The following TAS2R1 variants were observed in gnomAD, a reference collection of about 807,000 sequenced individuals.
TAS2R1 encodes the protein taste receptor type 2 member 1.
For synonymous variants in TAS2R1, 141 were observed against 134.2 expected, an observed-to-expected ratio of 1.05 and a Z score of -0.35; for missense variants, 370 against 353.4, an observed-to-expected ratio of 1.05 and a Z score of -0.38.
the TAS2R1 span, among the ~76,000 whole-genome samples, chr5:9,762,642 G>C: frequency 0.055 from 8,381 of 152,262 alleles, 627 homozygotes; most frequent in East Asian, 0.27. Context: ...TTTCCCTTGA[G>C]TCCTGGTGTT....
At chr5:9,844,475 T>C in the TAS2R1 span, among the ~76,000 whole-genome samples, 3 of 152,238 alleles carry the variant, frequency 2.0e-5, no homozygotes, top group Non-Finnish European at 2.9e-5. Context: ...TCTTTAAGTT[T>C]CAATTTAAGC....
chr5:9,728,016 C>G, the TAS2R1 span, among the ~76,000 whole-genome samples: 3 of 152,112 alleles, frequency 2.0e-5, no homozygotes, highest in African/African-American at 7.2e-5. Context: ...GCCTGGAAAG[C>G]AAAGAACAGA....
At chr5:9,691,186 G>C (rs1445676075) in intron 1 of TAS2R1, among the ~76,000 whole-genome samples, 1 of 152,198 alleles carries the variant, frequency 6.6e-6, no homozygotes, top group African/African-American at 2.4e-5. Context: ...GTCCTCATAA[G>C]AGACATTCAG....
upstream of TAS2R1, among the ~76,000 whole-genome samples, chr5:9,713,393 C>T (rs985913983): frequency 3.9e-5 from 6 of 152,232 alleles, no homozygotes; most frequent in African/African-American, 1.4e-4. Context: ...GGGCTTCTGG[C>T]AAAGCTTTTT....
chr5:9,635,819 T>C (rs1739953156), intron 2 of TAS2R1, among the ~76,000 whole-genome samples: 1 of 152,112 alleles, frequency 6.6e-6, no homozygotes, highest in African/African-American at 2.4e-5. Context: ...CTATTGGATC[T>C]TCTCTCATTT....
chr5:9,690,255 A>T (rs1741212582), intron 1 of TAS2R1, among the ~76,000 whole-genome samples: 1 of 152,212 alleles, frequency 6.6e-6, no homozygotes, highest in Non-Finnish European at 1.5e-5. Flanking sequence ...AGACTTATCA[A>T]ATGACTTTCC....
At chr5:9,695,494 A>G (rs936118700) in intron 1 of TAS2R1, among the ~76,000 whole-genome samples, 3 of 152,026 alleles carry the variant, frequency 2.0e-5, no homozygotes, top group African/African-American at 7.3e-5. Flanking sequence ...ATCCACTAGA[A>G]AGGGTGAGGC....
At chr5:9,779,601 A>C in the TAS2R1 span, among the ~76,000 whole-genome samples, 8 of 152,212 alleles carry the variant, frequency 5.3e-5, no homozygotes, top group Non-Finnish European at 1.2e-4. Context: ...GAGAAATCAG[A>C]ACACACACAT....
At chr5:9,716,231 C>T (rs1453462516), upstream of TAS2R1, among the ~76,000 whole-genome samples, 3 of 152,264 alleles carry the variant, frequency 2.0e-5, no homozygotes, top group South Asian at 4.2e-4. Context: ...CATTTTGCAG[C>T]AGGGAGGAGC....
Position 9,629,277 on chromosome 5 carries a change from A to G in TAS2R1, c.756T>C (p.Phe252=). 1 of 1,614,074 alleles carries G rather than the reference A, an allele frequency of 6.2e-7. No individual in the cohort carries two copies. The highest frequency in any genetic ancestry group is 1.3e-5 in the African/African-American group (1 of 75,038). ...MIKVFLSSLK[F]HIRRFIFLFF... The stretch of plus-strand genomic sequence containing the variant: ...ACAGAAAGATGAACCTTCTGATGTG[A>G]AACTTTAGAGAAGAGAGAAAAACTT... The change falls in exon 1 of 1, where the codon TTT becomes TTC. Residue 252 remains phenylalanine, a synonymous_variant. Coordinates refer to ENST00000382492, the MANE Select transcript of TAS2R1 (RefSeq NM_019599.3).
the TAS2R1 span, among the ~76,000 whole-genome samples, chr5:9,870,886 C>T: frequency 1.3e-5 from 2 of 152,104 alleles, no homozygotes; most frequent in Non-Finnish European, 2.9e-5. Flanking sequence ...GAGAAAATGT[C>T]ATGAAAGCAA....
the TAS2R1 span, among the ~76,000 whole-genome samples, chr5:9,719,733 G>A: frequency 2.0e-5 from 3 of 151,230 alleles, no homozygotes; most frequent in African/African-American, 7.3e-5. Context: ...TCGAGACCAC[G>A]GTGAAACCCC....
chr5:9,667,082 C>G (rs1330279587), intron 1 of TAS2R1, among the ~76,000 whole-genome samples: 2 of 152,036 alleles, frequency 1.3e-5, no homozygotes, highest in Non-Finnish European at 2.9e-5. Flanking sequence ...CTTCTTGAGT[C>G]CGTTTTTTTC....
At chr5:9,644,492 T>G (rs946626224) in intron 2 of TAS2R1, among the ~76,000 whole-genome samples, 1 of 152,124 alleles carries the variant, frequency 6.6e-6, no homozygotes, top group African/African-American at 2.4e-5. Context: ...TGGAGCCATT[T>G]TTCAAGAAGG....
chr5:9,834,753 T>TAAA, the TAS2R1 span, among the ~76,000 whole-genome samples: 1,034 of 145,592 alleles, frequency 7.1e-3, 15 homozygotes, highest in African/African-American at 0.024. Flanking sequence ...ATTACTGCAT[T>TAAA]AAAAAAAAAA....
chr5:9,698,773 T>A (rs1209259341), intron 1 of TAS2R1, among the ~76,000 whole-genome samples: 1 of 152,174 alleles, frequency 6.6e-6, no homozygotes, highest in Non-Finnish European at 1.5e-5. Flanking sequence ...CAGGGACAAG[T>A]GGCTGAACCG....
rs138945029 is a variant in TAS2R1 at position 9,659,900 on chromosome 5, C to T, written c.-241-319G>A. 3.2e-4 allele frequency: 49 copies of T among 152,272 alleles called. 1 individual carries two copies. Among genetic ancestry groups the T allele is most frequent in the African/African-American group, 9.9e-4 (41 of 41,562 alleles). 9.4% of individuals were successfully genotyped at this position (152,272 alleles called of 1,614,324 possible). The stretch of plus-strand genomic sequence containing the variant: ...CTTAAACTCCCAAGATTCAGACTCA[C>T]CTCCCTGAGCCCCGAGCTCACCAGT... On this transcript the variant is annotated intron_variant, in intron 1 of 2. Transcript: ENST00000506620.
intron 1 of TAS2R1, among the ~76,000 whole-genome samples, chr5:9,711,661 G>GTATT (rs375234229): frequency 1.8e-4 from 27 of 152,104 alleles, no homozygotes; most frequent in South Asian, 1.7e-3. Context: ...ACTTCATGTT[G>GTATT]TATTTATTTA....
chr5:9,731,194 T>C, the TAS2R1 span, among the ~76,000 whole-genome samples: 1 of 151,802 alleles, frequency 6.6e-6, no homozygotes, highest in Non-Finnish European at 1.5e-5. Context: ...ATCTCCTTTA[T>C]CTCTTAGCCT....
Sources: gnomAD v4.1 joint callset for allele counts (sites outside exome capture counted in the v4.1 genomes callset) on GRCh38, gnomAD v4.1.1 for gene constraint, MANE v1.5 for transcripts, NCBI Gene and HGNC (gene_info 2026-07-23, HGNC 2026-07-21) for gene names.